RERE: variants seen among roughly 807,000 people sequenced by gnomAD.
RERE encodes the protein arginine-glutamic acid dipeptide repeats protein.
In RERE, 40 loss-of-function variants were observed where a neutral mutation model predicts 146.1. The observed-to-expected ratio is 0.27, with a 90% CI of 0.21 to 0.36. The LOEUF (loss-of-function observed/expected upper bound fraction) is 0.36, where lower values mean the gene tolerates loss of function less well. RERE is among the 10% of genes least tolerant of loss of function. The pLI is 1.00. For missense variants in RERE, 1,933 were observed against 2,138.7 expected (o/e 0.90, Z 1.90); for synonymous variants, 1,003 against 866.0 (o/e 1.16, Z -2.78).
intron 11 of RERE, among the ~76,000 whole-genome samples, chr1:8,455,712 TATCA>T (rs1189262472): frequency 2.0e-5 from 3 of 152,172 alleles, no homozygotes; most frequent in Non-Finnish European, 2.9e-5. Flanking sequence ...ATTTTCTTAT[TATCA>T]ATCCTGCTCC....
intron 4 of RERE, among the ~76,000 whole-genome samples, chr1:8,594,681 A>C (rs1355250575): frequency 6.6e-6 from 1 of 152,198 alleles, no homozygotes; most frequent in East Asian, 1.9e-4. Context: ...ATAATGTTTA[A>C]GACAGTTTGA....
intron 1 of RERE, among the ~76,000 whole-genome samples, chr1:8,815,048 C>A (rs989900096): frequency 1.3e-5 from 2 of 152,188 alleles, no homozygotes; most frequent in Admixed American, 6.6e-5. Flanking sequence ...CCATCCTCTT[C>A]GTCTGGATCT....
At chr1:8,609,372 C>G (rs556334798) in intron 4 of RERE, among the ~76,000 whole-genome samples, 30 of 152,292 alleles carry the variant, frequency 2.0e-4, no homozygotes, top group African/African-American at 7.0e-4. Context: ...TGGGTGCTTT[C>G]AGAACTTTCT....
At chr1:8,556,828 AT>A in intron 5 of RERE, among the ~76,000 whole-genome samples, 1 of 152,272 alleles carries the variant, frequency 6.6e-6, no homozygotes, top group South Asian at 2.1e-4. Flanking sequence ...GCCAAAATGG[AT>A]TAAGCACAAA....
chr1:8,708,300 T>G (rs569657782), intron 1 of RERE, among the ~76,000 whole-genome samples: 1 of 152,200 alleles, frequency 6.6e-6, no homozygotes, highest in South Asian at 2.1e-4. Context: ...TGATGGTTGC[T>G]TTTTTGTTTT....
chr1:8,695,031 G>T (rs143934447), intron 1 of RERE, among the ~76,000 whole-genome samples: 95 of 140,246 alleles, frequency 6.8e-4, no homozygotes, highest in African/African-American at 2.5e-3. Flanking sequence ...ATACTATAAG[G>T]CTACGGTAAT....
At position 8,361,888 on chromosome 1, in the gene RERE, A is replaced by T. The variant is rs1434744886; in HGVS notation, c.1903-12T>A. On this transcript the variant is annotated splice_polypyrimidine_tract_variant and intron_variant, in intron 16 of 22. Coordinates refer to ENST00000400908, the MANE Select transcript of RERE (RefSeq NM_001042681.2). ...TCCTCCTTCACCTTCTGCAGGGGAA[A>T]AGCCCACAAGGAGCAATCAGGCCAA... is the stretch of plus-strand genomic sequence containing the variant. The T allele has an allele frequency of 6.3e-7, 1 of 1,597,932 alleles. No homozygotes were observed. The highest frequency in any genetic ancestry group is 8.6e-7 in the Non-Finnish European group (1 of 1,165,472).
rs115706297 is a variant in RERE at position 8,381,156 on chromosome 1, C to A, written c.1285-15182G>T. 902 of 375,744 alleles carry A rather than the reference C, an allele frequency of 2.4e-3. 7 individuals carry two copies. Among genetic ancestry groups the A allele is most frequent in the African/African-American group, 0.018 (861 of 47,570 alleles). The allele number at this position is 375,744 out of a possible 1,614,324, so 23.3% of individuals were successfully genotyped here. On this transcript the variant is annotated intron_variant, in intron 12 of 22. Coordinates refer to ENST00000400908, the MANE Select transcript of RERE (RefSeq NM_001042681.2). ...TCCGATGCGCCTGTTTCCATGATTACCAACTCTCTCACTCAGCTGTGACCT... is the reference window on the plus strand; with the variant it reads ...TCCGATGCGCCTGTTTCCATGATTAACAACTCTCTCACTCAGCTGTGACCT...
chr1:8,811,960 G>A (rs1641820740), intron 1 of RERE, among the ~76,000 whole-genome samples: 1 of 152,216 alleles, frequency 6.6e-6, no homozygotes, highest in East Asian at 1.9e-4. Context: ...GCTAAAGCTG[G>A]GTGGGACCCA....
chr1:8,500,594 C>A (rs375818638), intron 8 of RERE, among the ~76,000 whole-genome samples: 5 of 152,222 alleles, frequency 3.3e-5, no homozygotes, highest in African/African-American at 9.6e-5. Flanking sequence ...CCTTGGCCCC[C>A]CAAAGTGCCG....
intron 10 of RERE, among the ~76,000 whole-genome samples, chr1:8,488,918 T>C (rs1644939948): frequency 6.6e-6 from 1 of 152,222 alleles, no homozygotes. Context: ...GACCTAAATG[T>C]AAGAAGTAAA....
At chr1:8,410,853 AC>A (rs924107687) in intron 12 of RERE, among the ~76,000 whole-genome samples, 4 of 152,060 alleles carry the variant, frequency 2.6e-5, no homozygotes, top group Admixed American at 2.0e-4. Context: ...CCAGTAAGAC[AC>A]CCCCAGGGAG....
At chr1:8,642,633 TAA>T (rs1384885188) in intron 2 of RERE, among the ~76,000 whole-genome samples, 1 of 152,196 alleles carries the variant, frequency 6.6e-6, no homozygotes, top group Admixed American at 6.5e-5. Context: ...CAAAATCCCT[TAA>T]AAGTGATTAA....
At chr1:8,486,588 A>G (rs1372078726) in intron 10 of RERE, among the ~76,000 whole-genome samples, 1 of 151,982 alleles carries the variant, frequency 6.6e-6, no homozygotes, top group Non-Finnish European at 1.5e-5. Flanking sequence ...ATCAAATTAA[A>G]CCCCAAATAG....
chr1:8,760,406 T>C (rs115316570), intron 1 of RERE, among the ~76,000 whole-genome samples: 1 of 152,274 alleles, frequency 6.6e-6, no homozygotes, highest in African/African-American at 2.4e-5. Flanking sequence ...CAGCCTTAGA[T>C]AAGATGCCAA....
At chr1:8,403,553 G>A (rs1271501559) in intron 12 of RERE, among the ~76,000 whole-genome samples, 4 of 150,550 alleles carry the variant, frequency 2.7e-5, no homozygotes, top group South Asian at 4.2e-4. Flanking sequence ...TTTAGTAGAG[G>A]CAGGGTTTCA....
Position 8,355,088 on chromosome 1 carries a change from T to G in RERE, c.4700A>C (p.Ter1567SerextTer25). 6.2e-7 allele frequency: 1 copy of G among 1,613,730 alleles called. No homozygotes were observed. The highest frequency in any genetic ancestry group is 8.5e-7 in the Non-Finnish European group (1 of 1,179,764). Residue 1567 changes from the stop codon to serine (S), a stop_lost, in exon 23 of 23, where the codon TAA (stop) becomes TCA (serine). Coordinates refer to ENST00000400908, the MANE Select transcript of RERE (RefSeq NM_001042681.2). Reference sequence around the variant, plus strand: ...AGCCAGCGTTAACAAATAAATAACTTATAACTGCTTGTCACCTTCTTTCTT... The same window carrying G: ...AGCCAGCGTTAACAAATAAATAACTGATAACTGCTTGTCACCTTCTTTCTT... ...RLKKEGDKQL* is the reference protein window; with the variant it reads ...RLKKEGDKQLS
intron 12 of RERE, among the ~76,000 whole-genome samples, chr1:8,386,878 T>C (rs1642696388): frequency 6.6e-6 from 1 of 152,104 alleles, no homozygotes; most frequent in Admixed American, 6.6e-5. Context: ...GATAAAAATA[T>C]GACTTGAAAG....
chr1:8,609,925 C>A (rs371657727), intron 4 of RERE, among the ~76,000 whole-genome samples: 4 of 152,108 alleles, frequency 2.6e-5, no homozygotes, highest in African/African-American at 9.7e-5. Flanking sequence ...CATGCCACCA[C>A]ACCCAGATAA....
Sources: allele counts gnomAD v4.1 joint callset (sites outside exome capture counted in the v4.1 genomes callset), GRCh38; gene constraint gnomAD v4.1.1; transcripts MANE v1.5; gene names NCBI Gene and HGNC (gene_info 2026-07-23, HGNC 2026-07-21).